Variants in HTR2A observed in about 807,000 individuals in gnomAD.
HTR2A encodes the protein 5-HT2 receptor.
HTR2A carries 14 observed loss-of-function variants against 31.0 expected under a neutral mutation model. That is an observed-to-expected ratio of 0.45 (90% CI 0.30 to 0.71). The LOEUF (loss-of-function observed/expected upper bound fraction) is 0.71. Ranked by LOEUF, HTR2A falls within the 30% of genes least tolerant of loss-of-function variation. The probability of loss-of-function intolerance (pLI) is 0.09; values close to 1 mark genes in which losing one functional copy is unlikely to be tolerated. For synonymous variants in HTR2A, 209 were observed against 225.2 expected (o/e 0.93, Z 0.64); for missense variants, 442 against 573.3 (o/e 0.77, Z 2.34).
intron 2 of HTR2A, among the ~76,000 whole-genome samples, chr13:46,894,529 C>T (rs1361211783): frequency 2.0e-5 from 3 of 152,202 alleles, no homozygotes; most frequent in African/African-American, 7.2e-5. Context: ...CCGCCTTCCT[C>T]CTTCACATTC....
intron 3 of HTR2A, among the ~76,000 whole-genome samples, chr13:46,872,557 G>A (rs976361640): frequency 6.6e-6 from 1 of 151,908 alleles, no homozygotes; most frequent in African/African-American, 2.4e-5. Context: ...AATTAGTTAT[G>A]ATTTGTTATG....
At chr13:46,839,613 A>G (rs1025751492) in intron 3 of HTR2A, among the ~76,000 whole-genome samples, 1 of 152,222 alleles carries the variant, frequency 6.6e-6, no homozygotes, top group Non-Finnish European at 1.5e-5. Context: ...AACCTGAATT[A>G]CATGACTCTG....
intron 3 of HTR2A, among the ~76,000 whole-genome samples, chr13:46,855,049 C>G (rs1375106872): frequency 6.6e-6 from 1 of 152,082 alleles, no homozygotes; most frequent in Non-Finnish European, 1.5e-5. Context: ...TCAGGGAACA[C>G]CAAATTGACT....
chr13:46,893,526 C>T (rs945111672), intron 2 of HTR2A, among the ~76,000 whole-genome samples: 6 of 152,202 alleles, frequency 3.9e-5, no homozygotes, highest in Admixed American at 1.3e-4. Flanking sequence ...GATGCCCATG[C>T]CAAACCCAGC....
chr13:46,852,556 G>A (rs1470405398), intron 3 of HTR2A, among the ~76,000 whole-genome samples: 1 of 152,256 alleles, frequency 6.6e-6, no homozygotes, highest in Non-Finnish European at 1.5e-5. Context: ...TCAGACTGAT[G>A]TGTTAACTTC....
chr13:46,859,491 C>G (rs1050850667), intron 3 of HTR2A, among the ~76,000 whole-genome samples: 5 of 152,126 alleles, frequency 3.3e-5, no homozygotes, highest in Non-Finnish European at 5.9e-5. Flanking sequence ...AAATTATAAT[C>G]TCCAATGTGG....
intron 3 of HTR2A, among the ~76,000 whole-genome samples, chr13:46,871,539 A>G (rs548158858): frequency 6.6e-6 from 1 of 152,368 alleles, no homozygotes; most frequent in South Asian, 2.1e-4. Flanking sequence ...TTCAGAAAAT[A>G]CATTATTTAG....
Position 46,895,402 on chromosome 13 carries a change from T to G in HTR2A, c.412+93A>C, listed in dbSNP as rs567947875. On this transcript the variant is annotated intron_variant, in intron 2 of 3. Coordinates refer to ENST00000542664, the MANE Select transcript of HTR2A (RefSeq NM_000621.5). The surrounding 1 kb of genome is among the most constrained non-coding windows in gnomAD (Gnocchi z 4.4). ...TAAACAAAGACTTCTATTTATAGTTTGTTTGCCCCCTGAGCCCCATCTCAT... is the reference window on the plus strand; with the variant it reads ...TAAACAAAGACTTCTATTTATAGTTGGTTTGCCCCCTGAGCCCCATCTCAT... 10 of 1,100,576 alleles carry G rather than the reference T, an allele frequency of 9.1e-6. 1 individual carries two copies. In the Admixed American group the frequency reaches 2.4e-4, roughly 26 times the overall value. 68.2% of individuals were successfully genotyped at this position (1,100,576 alleles called of 1,614,324 possible).
intron 3 of HTR2A, among the ~76,000 whole-genome samples, chr13:46,858,409 G>A (rs1413008082): frequency 6.6e-6 from 1 of 152,072 alleles, no homozygotes; most frequent in African/African-American, 2.4e-5. Flanking sequence ...ATGATGATGA[G>A]ACTTACATGC....
intron 3 of HTR2A, among the ~76,000 whole-genome samples, chr13:46,850,547 A>C (rs933213576): frequency 2.6e-5 from 4 of 152,152 alleles, no homozygotes; most frequent in African/African-American, 9.7e-5. Context: ...TCAGGTATGC[A>C]GGCTTGGGGA....
intron 3 of HTR2A, among the ~76,000 whole-genome samples, chr13:46,885,533 A>G (rs1045383480): frequency 6.6e-6 from 1 of 152,254 alleles, no homozygotes; most frequent in African/African-American, 2.4e-5. Context: ...ATATCTAAAC[A>G]TAATCCAACC....
rs1197779440 is a variant in HTR2A, at chr13:46,895,063, T to G, written c.412+432A>C. Among the ~76,000 whole-genome samples, 1 of 152,192 alleles carries G rather than the reference T, an allele frequency of 6.6e-6. No homozygotes were observed. Among genetic ancestry groups the G allele is most frequent in the Non-Finnish European group, 1.5e-5 (1 of 68,028 alleles). Reference sequence around the variant, plus strand: ...TCACTCCATTAAAAGTGCTGAAAACTGTGTGACAAAGATTAAAACTGTTCT... The same window carrying G: ...TCACTCCATTAAAAGTGCTGAAAACGGTGTGACAAAGATTAAAACTGTTCT... On this transcript the variant is annotated intron_variant, in intron 2 of 3. Transcript: ENST00000542664. This position sits in a 1 kb window ranked among gnomAD's most constrained non-coding sequence, Gnocchi z 4.4.
chr13:46,863,126 TA>T (rs1238771819), intron 3 of HTR2A, among the ~76,000 whole-genome samples: 2 of 152,214 alleles, frequency 1.3e-5, no homozygotes, highest in Non-Finnish European at 2.9e-5. Context: ...TAGTCAAAAT[TA>T]GTCAAATAAG....
rs180836825 is a variant in HTR2A, at chr13:46,896,958, G to T, written c.-613C>A. 23 of 766,532 alleles carry T rather than the reference G, an allele frequency of 3.0e-5. No individual in the cohort carries two copies. In the African/African-American group the frequency reaches 3.9e-4, roughly 13 times the overall value. 47.5% of individuals were successfully genotyped at this position (766,532 alleles called of 1,614,324 possible). On this transcript the variant is annotated 5_prime_UTR_variant, in exon 1 of 4. Transcript: ENST00000542664. ...GCACACATTTAGAAATCATTCACGA[G>T]CCCCTCAAAGTCGCACAAAAGAACT...
At chr13:46,892,627 G>GTGCC in intron 2 of HTR2A, 37 bp from the exon 3 acceptor site, 1 of 1,568,680 alleles carries the variant, frequency 6.4e-7, no homozygotes, top group Non-Finnish European at 8.8e-7. Context: ...GAGCAACCCT[G>GTGCC]TGCCTCCTGG....
chr13:46,846,310 G>A (rs931417714), intron 3 of HTR2A, among the ~76,000 whole-genome samples: 11 of 152,082 alleles, frequency 7.2e-5, no homozygotes, highest in African/African-American at 2.4e-4. Context: ...ATATAGTATT[G>A]TCTAACAGCT....
At chr13:46,878,638 G>A in intron 3 of HTR2A, among the ~76,000 whole-genome samples, 1 of 152,168 alleles carries the variant, frequency 6.6e-6, no homozygotes, top group East Asian at 1.9e-4. Flanking sequence ...AGGAGAAAAG[G>A]AGTCTGCAAA....
chr13:46,854,450 G>C (rs559721490), intron 3 of HTR2A, among the ~76,000 whole-genome samples: 47 of 152,162 alleles, frequency 3.1e-4, no homozygotes, highest in Non-Finnish European at 6.2e-4. Context: ...ACTTTTATTA[G>C]ATTTTTATAT....
At chr13:46,853,517 G>A (rs184717348) in intron 3 of HTR2A, among the ~76,000 whole-genome samples, 29 of 152,292 alleles carry the variant, frequency 1.9e-4, no homozygotes, top group Admixed American at 1.7e-3. Flanking sequence ...TTCTGATTTT[G>A]TGCATTCCAG....
Sources: allele counts gnomAD v4.1 joint callset (sites outside exome capture counted in the v4.1 genomes callset), GRCh38; gene constraint gnomAD v4.1.1; non-coding constraint Gnocchi (gnomAD v3.1); transcripts MANE v1.5; gene names NCBI Gene and HGNC (gene_info 2026-07-23, HGNC 2026-07-21).